Variants in AGAP1 observed in about 807,000 individuals in gnomAD.
AGAP1 encodes arf-GAP with GTPase, ANK repeat and PH domain-containing protein 1.
A neutral mutation model predicts 105.3 loss-of-function variants in AGAP1; 29 were observed. That is an observed-to-expected ratio of 0.28 (90% CI 0.21 to 0.38). The LOEUF is 0.38. AGAP1 is among the 10% of genes least tolerant of loss of function. The pLI is 1.00. For synonymous variants in AGAP1, 509 were observed against 485.9 expected, an observed-to-expected ratio of 1.05 and a Z score of -0.63; for missense variants, 998 against 1,165.1, an observed-to-expected ratio of 0.86 and a Z score of 2.09.
chr2:236,005,670 G>T lies in AGAP1; in HGVS notation c.1646-30891G>T, dbSNP rs1484680886. Among the ~76,000 whole-genome samples, 1 of 152,132 alleles carries T rather than the reference G, an allele frequency of 6.6e-6. No homozygotes were observed. Among genetic ancestry groups the T allele is most frequent in the Non-Finnish European group, 1.5e-5 (1 of 68,030 alleles). ...TTTTCCTGTCTTTGATGACCTTGAA[G>T]GTCTTGAGGCATGCTGGGCCAGGTG... On this transcript the variant is annotated intron_variant, in intron 13 of 17. Coordinates refer to ENST00000304032, the MANE Select transcript of AGAP1 (RefSeq NM_001037131.3). The surrounding 1 kb of genome is among the most constrained non-coding windows in gnomAD (Gnocchi z 4.1).
intron 1 of AGAP1, among the ~76,000 whole-genome samples, chr2:235,589,107 C>T (rs766844945): frequency 3.0e-4 from 45 of 150,226 alleles, no homozygotes; most frequent in Non-Finnish European, 1.9e-4. Flanking sequence ...TTGGGTTCAG[C>T]GCTCAGGGCC....
At chr2:235,686,970 G>C (rs891412822) in intron 1 of AGAP1, among the ~76,000 whole-genome samples, 2 of 151,830 alleles carry the variant, frequency 1.3e-5, no homozygotes, top group African/African-American at 2.4e-5. Context: ...GCTTAGGAAG[G>C]CTTTTTGAAT....
intron 1 of AGAP1, among the ~76,000 whole-genome samples, chr2:235,704,178 G>A (rs569910047): frequency 1.3e-5 from 2 of 152,358 alleles, no homozygotes; most frequent in African/African-American, 4.8e-5. Context: ...TGGGGTAGGA[G>A]TTTAGCCTCA....
chr2:235,869,253 A>G (rs774409598), intron 9 of AGAP1, among the ~76,000 whole-genome samples: 32 of 151,746 alleles, frequency 2.1e-4, no homozygotes, highest in South Asian at 4.2e-4. Flanking sequence ...TGGGTTATCT[A>G]TTGCTGGGTA....
In AGAP1 at chr2:236,079,373, A is replaced by G. The variant is rs1252982203; in HGVS notation, c.2114+30092A>G. ...GTCTCTACAAAAAAAGAAAATTTAA[A>G]AAAAAAAAAAAAAAAACAGGCATGG... On this transcript the variant is annotated intron_variant, in intron 16 of 17. Transcript: ENST00000304032. Among the ~76,000 whole-genome samples, 247 of 64,736 alleles carry G rather than the reference A, an allele frequency of 3.8e-3. 1 individual carries two copies. The African/African-American group carries it at 0.039, about 10-fold the overall frequency. 42.5% of individuals were successfully genotyped at this position (64,736 alleles called of 152,430 possible).
intron 13 of AGAP1, among the ~76,000 whole-genome samples, chr2:235,986,907 C>G (rs2055337340): frequency 6.6e-6 from 1 of 152,126 alleles, no homozygotes; most frequent in Non-Finnish European, 1.5e-5. Flanking sequence ...CATTGATGTT[C>G]ATCAGGGATA....
chr2:235,952,876 G>A, intron 12 of AGAP1, among the ~76,000 whole-genome samples: 1 of 152,188 alleles, frequency 6.6e-6, no homozygotes, highest in East Asian at 1.9e-4. Flanking sequence ...AATTACCAGT[G>A]GAACCCAAGC....
At chr2:235,759,788 G>A (rs533625465) in intron 6 of AGAP1, among the ~76,000 whole-genome samples, 7 of 152,012 alleles carry the variant, frequency 4.6e-5, no homozygotes, top group Non-Finnish European at 8.8e-5. Context: ...ATGCATTTTC[G>A]AATTCAGTTC....
At chr2:235,932,547 C>T (rs1463931512) in intron 12 of AGAP1, among the ~76,000 whole-genome samples, 4 of 152,222 alleles carry the variant, frequency 2.6e-5, no homozygotes, top group Non-Finnish European at 4.4e-5. Flanking sequence ...GGGAGATGCA[C>T]GCTGGGCCTT....
intron 6 of AGAP1, among the ~76,000 whole-genome samples, chr2:235,766,811 G>A (rs1486443800): frequency 1.3e-5 from 2 of 151,848 alleles, no homozygotes; most frequent in Non-Finnish European, 2.9e-5. Context: ...GTAAGATCTC[G>A]GCTCACTGCT....
At position 235,753,783 on chromosome 2, in the gene AGAP1, A is replaced by G. The variant is rs1265877971; in HGVS notation, c.673+3295A>G. On this transcript the variant is annotated intron_variant, in intron 6 of 17. Coordinates refer to ENST00000304032, the MANE Select transcript of AGAP1 (RefSeq NM_001037131.3). This position sits in a 1 kb window ranked among gnomAD's most constrained non-coding sequence, Gnocchi z 4.5. ...AGCTACAACTTCCGTGACTATTGCG[A>G]TTTTTTTGTCCTTAAAATATTTTCA... 6.6e-6 allele frequency among the ~76,000 whole-genome samples: 1 copy of G among 152,032 alleles called. No individual in the cohort carries two copies. The highest frequency in any genetic ancestry group is 1.5e-5 in the Non-Finnish European group (1 of 68,004).
At chr2:235,759,318 G>C (rs943331731) in intron 6 of AGAP1, among the ~76,000 whole-genome samples, 1 of 151,902 alleles carries the variant, frequency 6.6e-6, no homozygotes, top group Non-Finnish European at 1.5e-5. Context: ...ACAGGCGCCT[G>C]CCACCACGCC....
chr2:236,110,833 A>C (rs1393660101), intron 16 of AGAP1, among the ~76,000 whole-genome samples: 1 of 152,212 alleles, frequency 6.6e-6, no homozygotes, highest in African/African-American at 2.4e-5. Context: ...AAAATACCTT[A>C]AATGGGGTAA....
At chr2:235,637,900 A>C (rs1364693883) in intron 1 of AGAP1, among the ~76,000 whole-genome samples, 1 of 152,128 alleles carries the variant, frequency 6.6e-6, no homozygotes, top group Non-Finnish European at 1.5e-5. Flanking sequence ...TCCAGCTCCA[A>C]CAGAGAGAGT....
Position 235,774,371 on chromosome 2 carries a change from T to C in AGAP1, c.674-23388T>C, listed in dbSNP as rs1205026526. On this transcript the variant is annotated intron_variant, in intron 6 of 17. Coordinates refer to ENST00000304032, the MANE Select transcript of AGAP1 (RefSeq NM_001037131.3). ...AGGGAGTTCCATGACTCACCCCTGC[T>C]TCCAGTTTTTAAAAAGGGCTGAGTC... The C allele has an allele frequency of 6.4e-6, 3 of 470,948 alleles. No homozygotes were observed. The Admixed American group carries it at 7.0e-5, about 11-fold the overall frequency. The allele number at this position is 470,948 out of a possible 1,614,324, so 29.2% of individuals were successfully genotyped here.
chr2:235,955,662 T>A (rs1346212481), intron 12 of AGAP1, among the ~76,000 whole-genome samples: 1 of 152,238 alleles, frequency 6.6e-6, no homozygotes, highest in Non-Finnish European at 1.5e-5. Flanking sequence ...ACCCATGGGA[T>A]GATATCTCAC....
At chr2:235,598,061 G>GT in intron 1 of AGAP1, among the ~76,000 whole-genome samples, 1 of 124,428 alleles carries the variant, frequency 8.0e-6, no homozygotes, top group African/African-American at 3.3e-5. Context: ...TGTTTCCTTT[G>GT]GGTGGAGCGT....
chr2:235,992,479 G>A lies in AGAP1; in HGVS notation c.1645+23856G>A, dbSNP rs2055612097. On this transcript the variant is annotated intron_variant, in intron 13 of 17. Coordinates refer to ENST00000304032, the MANE Select transcript of AGAP1 (RefSeq NM_001037131.3). This position sits in a 1 kb window ranked among gnomAD's most constrained non-coding sequence, Gnocchi z 4.8. ...GAGACTGCCACCCATTCCTTTCTGA[G>A]GATTCAGTTCTTATAGACTACAGTA... is the stretch of plus-strand genomic sequence containing the variant. Among the ~76,000 whole-genome samples, 1 of 152,156 alleles carries A rather than the reference G, an allele frequency of 6.6e-6. No homozygotes were observed. The highest frequency in any genetic ancestry group is 2.1e-4 in the South Asian group (1 of 4,824).
At chr2:235,756,956 A>G (rs996812951) in intron 6 of AGAP1, among the ~76,000 whole-genome samples, 12 of 151,960 alleles carry the variant, frequency 7.9e-5, no homozygotes, top group Non-Finnish European at 1.8e-4. Context: ...GCTGCTATAT[A>G]GAATTTAATA....
Sources: allele counts gnomAD v4.1 joint callset (sites outside exome capture counted in the v4.1 genomes callset), GRCh38; gene constraint gnomAD v4.1.1; non-coding constraint Gnocchi (gnomAD v3.1); transcripts MANE v1.5; gene names NCBI Gene and HGNC (gene_info 2026-07-23, HGNC 2026-07-21).